The following BPTF variants were observed in gnomAD, a reference collection of about 807,000 sequenced individuals.
BPTF encodes the protein bromodomain PHD finger transcription factor.
In BPTF, 18 loss-of-function variants were observed where a neutral mutation model predicts 292.5. The observed-to-expected ratio is 0.06, with a 90% CI of 0.04 to 0.09. The LOEUF (loss-of-function observed/expected upper bound fraction) is 0.09, where lower values mean the gene tolerates loss of function less well. Ranked by LOEUF, BPTF falls within the 10% of genes least tolerant of loss-of-function variation. BPTF has a pLI of 1.00. For synonymous variants in BPTF, 1,225 were observed against 1,251.9 expected, an observed-to-expected ratio of 0.98 and a Z score of 0.45; for missense variants, 2,726 against 3,498.7, an observed-to-expected ratio of 0.78 and a Z score of 5.57.
intron 4 of BPTF, 149 bp downstream of exon 4, chr17:67,875,169 C>T (rs1024398367): frequency 1.2e-5 from 8 of 686,380 alleles, no homozygotes; most frequent in East Asian, 2.7e-5. Context: ...CCTCTTATAA[C>T]GTGTGTAACA....
intron 24 of BPTF, chr17:67,960,490 T>A (rs1415765496): frequency 6.6e-6 from 1 of 152,244 alleles, no homozygotes; most frequent in African/African-American, 2.4e-5. Flanking sequence ...AGCTGGAAGC[T>A]GTTTTTGACA....
At chr17:67,842,765 A>C (rs1223122937) in intron 1 of BPTF, among the ~76,000 whole-genome samples, 1 of 148,162 alleles carries the variant, frequency 6.7e-6, no homozygotes, top group Non-Finnish European at 1.5e-5. Context: ...ACTGAGAGAA[A>C]TGTCAATCCA....
chr17:67,825,866 C>T lies in BPTF; in HGVS notation c.142C>T (p.Arg48Trp). The part of the protein sequence containing the change: ...GLRSRHRGSS[R>W]GRWAAAQAEV... Reference sequence around the variant, plus strand: ...CCGCTCGCGGCACCGCGGCAGCAGCCGGGGCAGGTGGGCCGCCGCCCAGGC... The same window carrying T: ...CCGCTCGCGGCACCGCGGCAGCAGCTGGGGCAGGTGGGCCGCCGCCCAGGC... The change falls in exon 1 of 28, where the codon CGG (arginine) becomes TGG (tryptophan). Residue 48 changes from arginine to tryptophan, a missense_variant. By Grantham distance (101) the Arg-to-Trp change is moderately radical. Transcript: ENST00000306378. The T allele has an allele frequency of 2.0e-6, 2 of 1,013,908 alleles. No individual in the cohort carries two copies. Among genetic ancestry groups the T allele is most frequent in the Non-Finnish European group, 2.4e-6 (2 of 850,434 alleles). The allele number at this position is 1,013,908 out of a possible 1,614,324, so 62.8% of individuals were successfully genotyped here.
chr17:67,936,730 A>C (rs1202319617), intron 18 of BPTF: 1 of 152,110 alleles, frequency 6.6e-6, no homozygotes, highest in Non-Finnish European at 1.5e-5. Context: ...TAGTAGTAAT[A>C]CTCTAAAATA....
chr17:67,920,481 T>C (rs2063356821), intron 13 of BPTF, among the ~76,000 whole-genome samples: 1 of 152,208 alleles, frequency 6.6e-6, no homozygotes, highest in Non-Finnish European at 1.5e-5. Context: ...GTACCGAGTC[T>C]GATATGTAAG....
intron 2 of BPTF, among the ~76,000 whole-genome samples, chr17:67,863,538 C>A (rs2059211182): frequency 2.0e-5 from 3 of 152,200 alleles, no homozygotes; most frequent in Admixed American, 2.0e-4. Context: ...CCCGCCTTGG[C>A]CTCTCAAAGT....
In BPTF at chr17:67,891,956, C is replaced by T; in HGVS notation, c.1977C>T (p.Ser659=). ...RIITRLRNPD[S]KLSQLKSQQV... ...TCACCAGATTGCGGAATCCAGATAG[C>T]AAACTTAGTCAGCTGAAGAGCCAGC... The change falls in exon 5 of 28, where the codon AGC becomes AGT. Residue 659 remains serine, a synonymous_variant. Transcript: ENST00000306378. 1.2e-6 allele frequency: 2 copies of T among 1,612,626 alleles called. No homozygotes were observed. The highest frequency in any genetic ancestry group is 1.7e-6 in the Non-Finnish European group (2 of 1,179,456).
intron 25 of BPTF, among the ~76,000 whole-genome samples, chr17:67,964,814 A>G (rs1425147767): frequency 6.6e-6 from 1 of 151,612 alleles, no homozygotes; most frequent in South Asian, 2.1e-4. Context: ...CCTGGCTAAC[A>G]CGGTGAAACC....
rs1491142596 is a variant in BPTF, at chr17:67,909,278, CCT to C, written c.2813-303_2813-302del. 8.6e-3 allele frequency among the ~76,000 whole-genome samples: 847 copies of C among 98,814 alleles called. 10 individuals are homozygous for C. The highest frequency in any genetic ancestry group is 0.015 in the Non-Finnish European group (590 of 39,052). 64.8% of individuals were successfully genotyped at this position (98,814 alleles called of 152,430 possible). ...AGCCACCGCACCAGGTCCCCCCCCC[CCT>C]TTTTTTTTTTATCCTGCAGTGTTTT... On this transcript the variant is annotated intron_variant, in intron 9 of 27. Coordinates refer to ENST00000306378, the MANE Select transcript of BPTF (RefSeq NM_182641.4).
intron 4 of BPTF, among the ~76,000 whole-genome samples, chr17:67,884,930 T>C (rs1490758169): frequency 6.6e-6 from 1 of 152,164 alleles, no homozygotes. Flanking sequence ...CTGAGAGTAG[T>C]TTCTTCATAT....
At chr17:67,941,332 A>T (rs1170440956) in intron 19 of BPTF, among the ~76,000 whole-genome samples, 1 of 152,212 alleles carries the variant, frequency 6.6e-6, no homozygotes, top group Non-Finnish European at 1.5e-5. Flanking sequence ...ATGCGCTTGT[A>T]ATCACAGCTA....
At chr17:67,959,391 A>T in intron 23 of BPTF, 150 bp from the exon 24 acceptor site, 1 of 540,882 alleles carries the variant, frequency 1.8e-6, no homozygotes, top group South Asian at 6.0e-5. Flanking sequence ...AAGATATAAG[A>T]AAACTCTTGT....
At chr17:67,917,526 G>A (rs562051840) in intron 11 of BPTF, among the ~76,000 whole-genome samples, 2 of 152,108 alleles carry the variant, frequency 1.3e-5, no homozygotes, top group South Asian at 4.2e-4. Flanking sequence ...TCATCCAGTT[G>A]TTCATGTTTT....
At chr17:67,931,742 G>A (rs927208427) in intron 17 of BPTF, among the ~76,000 whole-genome samples, 169 bp from the exon 18 acceptor site, 3 of 152,118 alleles carry the variant, frequency 2.0e-5, no homozygotes, top group East Asian at 1.9e-4. Flanking sequence ...TCAAAATTCC[G>A]TCTTTATTCT....
At chr17:67,906,560 T>A (rs555882013) in intron 9 of BPTF, among the ~76,000 whole-genome samples, 1 of 152,170 alleles carries the variant, frequency 6.6e-6, no homozygotes, top group South Asian at 2.1e-4. Flanking sequence ...ATGCACAGAG[T>A]GATAGAACGC....
At chr17:67,958,473 A>G (rs1305615225) in intron 23 of BPTF, among the ~76,000 whole-genome samples, 2 of 152,148 alleles carry the variant, frequency 1.3e-5, no homozygotes, top group African/African-American at 4.8e-5. Flanking sequence ...CACACCTGTA[A>G]TCCCAGGACT....
At chr17:67,970,814 GC>G (rs1246385877) in intron 26 of BPTF, among the ~76,000 whole-genome samples, 2 of 152,138 alleles carry the variant, frequency 1.3e-5, no homozygotes, top group African/African-American at 2.4e-5. Context: ...AAAATTAACA[GC>G]CCCCATCAAT....
At chr17:67,881,860 T>TG (rs2060437804) in intron 4 of BPTF, among the ~76,000 whole-genome samples, 1 of 33,256 alleles carries the variant, frequency 3.0e-5, no homozygotes, top group South Asian at 8.6e-4. Context: ...GGGTTTTTGT[T>TG]TTTTTTTTTT....
At chr17:67,872,939 T>A (rs2059833691) in intron 3 of BPTF, among the ~76,000 whole-genome samples, 2 of 151,954 alleles carry the variant, frequency 1.3e-5, no homozygotes, top group African/African-American at 4.8e-5. Context: ...ATTAAAAAAT[T>A]AGCCAGGCGT....
Sources: allele counts gnomAD v4.1 joint callset (sites outside exome capture counted in the v4.1 genomes callset), GRCh38; gene constraint gnomAD v4.1.1; transcripts MANE v1.5; gene names NCBI Gene and HGNC (gene_info 2026-07-23, HGNC 2026-07-21).